Variants in SGCZ observed in about 807,000 individuals in gnomAD.
The protein encoded by SGCZ is zeta-sarcoglycan.
SGCZ carries 40 observed loss-of-function variants against 41.3 expected under a neutral mutation model. That is an observed-to-expected ratio of 0.97 (90% CI 0.75 to 1.26). The LOEUF (loss-of-function observed/expected upper bound fraction) is 1.26. SGCZ is among the 50% of genes most tolerant of loss of function. The probability of loss-of-function intolerance (pLI) is 0.00; values close to 1 mark genes in which losing one functional copy is unlikely to be tolerated. For synonymous variants in SGCZ, 206 were observed against 137.5 expected (o/e 1.50, Z -3.49); for missense variants, 552 against 369.8 (o/e 1.49, Z -4.04).
rs11993082 is a variant in SGCZ at position 15,237,447 on chromosome 8, T to G, written c.39+138A>C. Reference sequence around the variant, plus strand: ...CCCAGCAGGGGCGCCTGCGCCCGGGTGCGCGTCCCCCCAACGCCCCCTCGT... The same window carrying G: ...CCCAGCAGGGGCGCCTGCGCCCGGGGGCGCGTCCCCCCAACGCCCCCTCGT... On this transcript the variant is annotated intron_variant, in intron 1 of 7. Coordinates refer to ENST00000382080, the MANE Select transcript of SGCZ (RefSeq NM_139167.4). The G allele has an allele frequency of 6.2e-3, 6,354 of 1,020,126 alleles. 268 individuals are homozygous for G. In the African/African-American group the frequency reaches 0.092, roughly 15 times the overall value. 63.2% of individuals were successfully genotyped at this position (1,020,126 alleles called of 1,614,324 possible). A position where few individuals can be genotyped will look rare whatever the true frequency, so the allele number is the denominator to read the frequency against.
At chr8:14,844,046 A>T (rs1252904496) in intron 1 of SGCZ, among the ~76,000 whole-genome samples, 1 of 151,354 alleles carries the variant, frequency 6.6e-6, no homozygotes, top group African/African-American at 2.4e-5. Context: ...TTCACATTTT[A>T]AAAATTATAT....
intron 3 of SGCZ, among the ~76,000 whole-genome samples, chr8:14,241,277 T>C (rs1798871457): frequency 2.0e-5 from 3 of 151,770 alleles, no homozygotes; most frequent in South Asian, 4.1e-4. Flanking sequence ...TATAGTTTAT[T>C]CTTGCTGAGA....
At chr8:14,946,379 G>A (rs541489847) in intron 1 of SGCZ, among the ~76,000 whole-genome samples, 35 of 151,836 alleles carry the variant, frequency 2.3e-4, no homozygotes, top group East Asian at 1.2e-3. Flanking sequence ...GCTGCTCTCC[G>A]CAGTCCCAAA....
chr8:15,184,265 C>T (rs868858380), intron 1 of SGCZ, among the ~76,000 whole-genome samples: 1 of 152,106 alleles, frequency 6.6e-6, no homozygotes, highest in South Asian at 2.1e-4. Context: ...TTACCTTATG[C>T]TTTTAAAATT....
chr8:14,480,004 C>G (rs569039917), intron 2 of SGCZ, among the ~76,000 whole-genome samples: 15 of 152,320 alleles, frequency 9.8e-5, no homozygotes, highest in Admixed American at 2.0e-4. Context: ...CTCGGCATCC[C>G]AAAGCACCGG....
chr8:14,727,012 G>A (rs1176775888), intron 1 of SGCZ, among the ~76,000 whole-genome samples: 1 of 152,004 alleles, frequency 6.6e-6, no homozygotes, highest in Non-Finnish European at 1.5e-5. Context: ...CCACTGAGAT[G>A]TTAAATATTC....
chr8:14,234,748 A>G (rs910888886), intron 4 of SGCZ, among the ~76,000 whole-genome samples: 36 of 152,156 alleles, frequency 2.4e-4, no homozygotes, highest in Non-Finnish European at 1.5e-4. Context: ...AGTCTTTAGA[A>G]TTAAATTTTA....
chr8:14,601,452 C>CT (rs35898116), intron 1 of SGCZ, among the ~76,000 whole-genome samples: 21,027 of 151,476 alleles, frequency 0.14, 1,649 homozygotes, highest in South Asian at 0.2. Context: ...AAGTTGGTTC[C>CT]TTTTTTTTCA....
chr8:14,699,639 T>C (rs1809072355), intron 1 of SGCZ, among the ~76,000 whole-genome samples: 2 of 151,882 alleles, frequency 1.3e-5, no homozygotes, highest in Non-Finnish European at 2.9e-5. Context: ...ACTAAAGAGC[T>C]TCTGCACAGC....
rs1585184138 is a variant in SGCZ, at chr8:14,688,869, G to A, written c.40-133943C>T. On this transcript the variant is annotated intron_variant, in intron 1 of 7. Coordinates refer to ENST00000382080, the MANE Select transcript of SGCZ (RefSeq NM_139167.4). ...GATTGTATATCTAGAAAATCCCATT[G>A]TCTCAGCCCAAAATGTCCTTAAGCT... 2.6e-5 allele frequency among the ~76,000 whole-genome samples: 4 copies of A among 152,164 alleles called. No homozygotes were observed. The South Asian group carries it at 8.3e-4, about 32-fold the overall frequency.
In SGCZ at chr8:14,197,443, GA is replaced by G. The variant is rs1468223068; in HGVS notation, c.425-32742del. 7.9e-5 allele frequency among the ~76,000 whole-genome samples: 12 copies of G among 152,024 alleles called. No individual in the cohort carries two copies. The South Asian group carries it at 2.5e-3, about 32-fold the overall frequency. On this transcript the variant is annotated intron_variant, in intron 4 of 7. Transcript: ENST00000382080. ...CAAATAAAGCAATATTAATAAAAAT[GA>G]TAATACATCATAGATAATGTTGTTT...
intron 1 of SGCZ, among the ~76,000 whole-genome samples, chr8:14,978,821 TGGGGTCTCAGTCTGTCACCCA>T (rs1489992088): frequency 6.6e-6 from 1 of 152,150 alleles, no homozygotes; most frequent in Non-Finnish European, 1.5e-5. Flanking sequence ...TGTTTTGAGA[TGGGGTCTCAGTCTGTCACCCA>T]GGCTGGAGTG....
chr8:14,363,645 G>A (rs971723685), intron 2 of SGCZ, among the ~76,000 whole-genome samples: 1 of 152,050 alleles, frequency 6.6e-6, no homozygotes, highest in South Asian at 2.1e-4. Flanking sequence ...AAAGTAAGGA[G>A]CATTCAATCC....
intron 2 of SGCZ, among the ~76,000 whole-genome samples, chr8:14,427,072 A>ATGAATGAATGAATGAG (rs1563322038): frequency 5.2e-4 from 76 of 146,298 alleles, no homozygotes; most frequent in African/African-American, 1.8e-3. Context: ...GAATGAGTGA[A>ATGAATGAATGAATGAG]TGAACGAATG....
chr8:14,601,857 A>T (rs920665594), intron 1 of SGCZ, among the ~76,000 whole-genome samples: 1 of 152,174 alleles, frequency 6.6e-6, no homozygotes, highest in African/African-American at 2.4e-5. Context: ...GCGGTGGCTC[A>T]CGCCTGTAAT....
intron 4 of SGCZ, among the ~76,000 whole-genome samples, chr8:14,228,827 T>A (rs1410367530): frequency 6.6e-6 from 1 of 152,110 alleles, no homozygotes; most frequent in Non-Finnish European, 1.5e-5. Flanking sequence ...TATGTATATT[T>A]TGTCTGGAAA....
intron 3 of SGCZ, among the ~76,000 whole-genome samples, chr8:14,302,754 C>A (rs565164219): frequency 2.2e-4 from 34 of 152,120 alleles, no homozygotes; most frequent in Non-Finnish European, 4.1e-4. Context: ...CACAGAAACA[C>A]CGACCCTAAA....
chr8:14,171,720 ATATT>A (rs1393187028), intron 4 of SGCZ, among the ~76,000 whole-genome samples: 6 of 151,972 alleles, frequency 3.9e-5, no homozygotes, highest in Non-Finnish European at 8.8e-5. Context: ...ACCTCCTAAT[ATATT>A]TATTTATCCT....
chr8:14,708,810 C>CTAGTGTGTGT (rs1252448577), intron 1 of SGCZ, among the ~76,000 whole-genome samples: 5 of 62,552 alleles, frequency 8.0e-5, no homozygotes, highest in Non-Finnish European at 1.5e-4. Context: ...ATGTTTTATT[C>CTAGTGTGTGT]GAGTGTGTGT....
Sources: allele counts gnomAD v4.1 joint callset (sites outside exome capture counted in the v4.1 genomes callset), GRCh38; gene constraint gnomAD v4.1.1; transcripts MANE v1.5; gene names NCBI Gene and HGNC (gene_info 2026-07-23, HGNC 2026-07-21).